The following LMNA variants were observed in gnomAD, a reference collection of about 807,000 sequenced individuals.
LMNA encodes lamin.
LMNA carries 20 observed loss-of-function variants against 70.4 expected under a neutral mutation model. The ratio of observed to expected loss-of-function variants is 0.28; its 90% CI spans 0.20 to 0.41. The LOEUF is 0.41. Among genes scored for constraint, LMNA ranks in the 10% least tolerant of loss-of-function variants. LMNA has a pLI of 1.00. For synonymous variants in LMNA, 339 were observed against 372.8 expected (o/e 0.91, Z 1.04); for missense variants, 652 against 917.2 (o/e 0.71, Z 3.73).
In LMNA at chr1:156,134,566, G is replaced by T. The variant is rs770142438; in HGVS notation, c.639+38G>T. ...CTTTGCAAGCCAGAGGGCTGGGGCTGGGTGATGACAGACTTGGGCTGGGCT... is the reference window on the plus strand; with the variant it reads ...CTTTGCAAGCCAGAGGGCTGGGGCTTGGTGATGACAGACTTGGGCTGGGCT... On this transcript the variant is annotated intron_variant, in intron 3 of 11. Coordinates refer to ENST00000368300, the MANE Select transcript of LMNA (RefSeq NM_170707.4). The surrounding 1 kb of genome is among the most constrained non-coding windows in gnomAD (Gnocchi z 5.3). The T allele has an allele frequency of 2.5e-6, 4 of 1,612,744 alleles. No individual in the cohort carries two copies. The highest frequency in any genetic ancestry group is 3.3e-5 in the Admixed American group (2 of 60,012).
At chr1:156,086,104 G>A (rs1572306988) in intron 2 of LMNA, among the ~76,000 whole-genome samples, 1 of 152,202 alleles carries the variant, frequency 6.6e-6, no homozygotes, top group Non-Finnish European at 1.5e-5. Context: ...GCTATCTTAG[G>A]TGTTCAATCA....
In LMNA at chr1:156,138,902, C is replaced by G. The variant is rs955331662; in HGVS notation, c.1968+145C>G. ...GGAGCCTCCTCCCCACAGCCTGAGT[C>G]CTAGACAGCCCACCTCTGCATCCTG... On this transcript the variant is annotated intron_variant, in intron 11 of 11. Coordinates refer to ENST00000368300, the MANE Select transcript of LMNA (RefSeq NM_170707.4). This position sits in a 1 kb window ranked among gnomAD's most constrained non-coding sequence, Gnocchi z 5.5. 8 of 1,307,168 alleles carry G rather than the reference C, an allele frequency of 6.1e-6. No homozygotes were observed. Among genetic ancestry groups the G allele is most frequent in the Non-Finnish European group, 7.6e-6 (7 of 919,142 alleles). The allele number at this position is 1,307,168 out of a possible 1,614,324, so 81.0% of individuals were successfully genotyped here.
rs62636506 is a variant in LMNA at position 156,136,371 on chromosome 1, C to T, written c.1315C>T (p.Arg439Cys). The T allele has an allele frequency of 1.2e-5, 20 of 1,611,718 alleles. No homozygotes were observed. The highest frequency in any genetic ancestry group is 1.5e-5 in the Non-Finnish European group (18 of 1,179,872). The change falls in exon 7 of 12, where the codon CGC (arginine) becomes TGC (cysteine). Residue 439 changes from arginine (R) to cysteine (C), a missense_variant. Around this residue, in one of 4 missense-constraint regions of LMNA, gnomAD observed 327 missense variants for 387.6 expected, o/e 0.84. Transcript: ENST00000368300. The surrounding 1 kb of genome is among the most constrained non-coding windows in gnomAD (Gnocchi z 6.1). The part of the protein sequence containing the change: ...SFSQHARTSG[R>C]VAVEEVDEEG... ...CTCACAGCACGCACGCACTAGCGGGCGCGTGGCCGTGGAGGAGGTGGATGA... is the reference window on the plus strand; with the variant it reads ...CTCACAGCACGCACGCACTAGCGGGTGCGTGGCCGTGGAGGAGGTGGATGA...
intron 1 of LMNA, among the ~76,000 whole-genome samples, chr1:156,117,079 ATTTTTTTT>A (rs150049994): frequency 8.9e-6 from 1 of 112,668 alleles, no homozygotes; most frequent in Non-Finnish European, 1.8e-5. Flanking sequence ...ACACATGGCT[ATTTTTTTT>A]TTTTTTTTTT....
chr1:156,138,856 C>A lies in LMNA; in HGVS notation c.1968+99C>A. 6.6e-7 allele frequency: 1 copy of A among 1,514,606 alleles called. No individual in the cohort carries two copies. The allele number at this position is 1,514,606 out of a possible 1,614,324, so 93.8% of individuals were successfully genotyped here. ...TTGCAGGGGGGAGAGCCTGCCTTCT[C>A]TTCCGCAGCCCGGGGGAGTGGGAGC... is the stretch of plus-strand genomic sequence containing the variant. On this transcript the variant is annotated intron_variant, in intron 11 of 11. Coordinates refer to ENST00000368300, the MANE Select transcript of LMNA (RefSeq NM_170707.4). The surrounding 1 kb of genome is among the most constrained non-coding windows in gnomAD (Gnocchi z 5.5).
chr1:156,107,667 T>C (rs778358625), intron 3 of LMNA, among the ~76,000 whole-genome samples: 3 of 152,064 alleles, frequency 2.0e-5, no homozygotes, highest in South Asian at 2.1e-4. Flanking sequence ...ACTTGCTCCA[T>C]CTAAGGGCCC....
At chr1:156,100,931 T>C (rs1172648584) in intron 3 of LMNA, among the ~76,000 whole-genome samples, 1 of 152,150 alleles carries the variant, frequency 6.6e-6, no homozygotes, top group Non-Finnish European at 1.5e-5. Context: ...AATCCAGACT[T>C]AGTGGCACTT....
rs1259743340 is a variant in LMNA at position 156,103,294 on chromosome 1, G to A, written c.-206-11419G>A. Among the ~76,000 whole-genome samples the A allele has an allele frequency of 6.6e-6, 1 of 152,186 alleles. No homozygotes were observed. The highest frequency in any genetic ancestry group is 1.5e-5 in the Non-Finnish European group (1 of 68,024). On this transcript the variant is annotated intron_variant, in intron 3 of 12. Coordinates refer to the LMNA transcript ENST00000368301. The surrounding 1 kb of genome is among the most constrained non-coding windows in gnomAD (Gnocchi z 4.7). Reference sequence around the variant, plus strand: ...TTCCAGAGGGCCTGTGGCTGAGGGTGAGAAGCCAGCGATCGACCCCCAGGG... The same window carrying A: ...TTCCAGAGGGCCTGTGGCTGAGGGTAAGAAGCCAGCGATCGACCCCCAGGG...
At chr1:156,084,635 G>A (rs1390998498) in intron 2 of LMNA, among the ~76,000 whole-genome samples, 1 of 152,138 alleles carries the variant, frequency 6.6e-6, no homozygotes, top group East Asian at 1.9e-4. Flanking sequence ...GTGGTACTGG[G>A]GACCATGGGG....
chr1:156,126,858 C>G (rs748406161), intron 1 of LMNA: 1 of 1,612,022 alleles, frequency 6.2e-7, no homozygotes. Context: ...AGGACTGGCA[C>G]TCTGCTGGCA....
intron 3 of LMNA, among the ~76,000 whole-genome samples, chr1:156,101,776 G>T (rs971959701): frequency 1.3e-5 from 2 of 152,216 alleles, no homozygotes; most frequent in South Asian, 2.1e-4. Flanking sequence ...GGTGGGGGTT[G>T]GTGGTGAGCA....
At chr1:156,132,813 C>A (rs10158218) in intron 2 of LMNA, among the ~76,000 whole-genome samples, 15,653 of 149,574 alleles carry the variant, frequency 0.1, 1,562 homozygotes, top group African/African-American at 0.26. Flanking sequence ...ATAAATAGAG[C>A]CATGTTCTCC....
chr1:156,131,910 C>T (rs1323612487), intron 2 of LMNA, among the ~76,000 whole-genome samples: 1 of 152,242 alleles, frequency 6.6e-6, no homozygotes, highest in Non-Finnish European at 1.5e-5. Context: ...TGGCTCACGC[C>T]TATAATCCCA....
chr1:156,123,645 A>G (rs775147617), intron 1 of LMNA, among the ~76,000 whole-genome samples: 44 of 152,016 alleles, frequency 2.9e-4, no homozygotes, highest in Non-Finnish European at 5.3e-4. Flanking sequence ...TCTATCCCCA[A>G]GCCCCACCCC....
At chr1:156,084,328 C>CGGCGG (rs1553259232) in intron 2 of LMNA, among the ~76,000 whole-genome samples, 2 of 90,978 alleles carry the variant, frequency 2.2e-5, no homozygotes, top group African/African-American at 3.8e-5. Context: ...CTCAGAAGGT[C>CGGCGG]GGGGGGTGGT....
chr1:156,100,204 C>G (rs1649093990), intron 3 of LMNA, among the ~76,000 whole-genome samples: 1 of 152,182 alleles, frequency 6.6e-6, no homozygotes, highest in Non-Finnish European at 1.5e-5. Context: ...GAATAATGAC[C>G]TTGCCATGCT....
At position 156,137,903 on chromosome 1, in the gene LMNA, A is replaced by C; in HGVS notation, c.1698+160A>C. On this transcript the variant is annotated intron_variant, in intron 10 of 11. Coordinates refer to ENST00000368300, the MANE Select transcript of LMNA (RefSeq NM_170707.4). The surrounding 1 kb of genome is among the most constrained non-coding windows in gnomAD (Gnocchi z 4.6). The stretch of plus-strand genomic sequence containing the variant: ...GGCCTTTCTTCTCTCTCCTCCCTAT[A>C]CCTTGAACAGGGAACCCAGGTGTCT... 4.2e-6 allele frequency: 6 copies of C among 1,427,872 alleles called. No homozygotes were observed. The highest frequency in any genetic ancestry group is 5.6e-6 in the Non-Finnish European group (6 of 1,070,040). 88.5% of individuals were successfully genotyped at this position (1,427,872 alleles called of 1,614,324 possible).
At chr1:156,093,007 G>C (rs1648769292) in intron 3 of LMNA, among the ~76,000 whole-genome samples, 1 of 151,002 alleles carries the variant, frequency 6.6e-6, no homozygotes. Flanking sequence ...TCCTGCCTCA[G>C]CCTCCCAAGT....
chr1:156,098,771 G>A (rs1558109319), intron 3 of LMNA, among the ~76,000 whole-genome samples: 1 of 152,138 alleles, frequency 6.6e-6, no homozygotes, highest in Non-Finnish European at 1.5e-5. Flanking sequence ...TAGTGGGACT[G>A]AGATAGAGCT....
Sources: allele counts gnomAD v4.1 joint callset (sites outside exome capture counted in the v4.1 genomes callset), GRCh38; gene constraint gnomAD v4.1.1; regional missense constraint gnomAD v4.1.1; non-coding constraint Gnocchi (gnomAD v3.1); transcripts MANE v1.5; gene names NCBI Gene and HGNC (gene_info 2026-07-23, HGNC 2026-07-21).